HIF3A: variants seen among roughly 807,000 people sequenced by gnomAD.
The protein encoded by HIF3A is hypoxia inducible factor 3 subunit alpha, also known as hypoxia-inducible factor 3-alpha.
A neutral mutation model predicts 67.2 loss-of-function variants in HIF3A; 41 were observed. The observed-to-expected ratio is 0.61, with a 90% CI of 0.48 to 0.79. HIF3A has a LOEUF of 0.79. Ranked by LOEUF, HIF3A falls within the 30% of genes least tolerant of loss-of-function variation. The pLI is 0.00. For missense variants in HIF3A, 855 were observed against 898.0 expected (o/e 0.95, Z 0.61); for synonymous variants, 356 against 374.8 (o/e 0.95, Z 0.58).
chr19:46,308,637 TC>T (rs1969128358), intron 4 of HIF3A, 25 bp from the exon 5 acceptor site: 2 of 1,439,030 alleles, frequency 1.4e-6, no homozygotes, highest in African/African-American at 1.4e-5. Context: ...GCCTGTGACC[TC>T]CCCGCTGCCC....
chr19:46,302,288 G>A (rs1247568722), intron 1 of HIF3A, among the ~76,000 whole-genome samples: 3 of 151,910 alleles, frequency 2.0e-5, no homozygotes, highest in East Asian at 1.9e-4. Context: ...CCACCACCAC[G>A]CCCAGCTAAT....
chr19:46,302,266 A>G (rs1199778314), intron 1 of HIF3A, among the ~76,000 whole-genome samples: 1 of 151,864 alleles, frequency 6.6e-6, no homozygotes, highest in Non-Finnish European at 1.5e-5. Context: ...AGTAGCTAGG[A>G]CTACAAGGTG....
At position 46,313,204 on chromosome 19, in the gene HIF3A, T is replaced by C. The variant is rs576485552; in HGVS notation, c.1025+551T>C. On this transcript the variant is annotated intron_variant, in intron 8 of 14. Coordinates refer to ENST00000377670, the MANE Select transcript of HIF3A (RefSeq NM_152795.4). ...TGGTGGAGGCTGCAGTGAGCCGAGA[T>C]TGCGTCAGTGCACTCTGGCCTCGGC... is the stretch of plus-strand genomic sequence containing the variant. 2.7e-4 allele frequency: 195 copies of C among 722,752 alleles called. No homozygotes were observed. In the African/African-American group the frequency reaches 3.4e-3, roughly 13 times the overall value. The allele number at this position is 722,752 out of a possible 1,614,324, so 44.8% of individuals were successfully genotyped here.
chr19:46,312,458 C>A, intron 7 of HIF3A, 48 bp from the exon 8 acceptor site: 1 of 1,606,568 alleles, frequency 6.2e-7, no homozygotes, highest in East Asian at 2.2e-5. Context: ...ATTTCTCTCC[C>A]CATTTGCCCC....
At chr19:46,324,760 A>G (rs1005241107) in intron 10 of HIF3A, among the ~76,000 whole-genome samples, 9 of 151,582 alleles carry the variant, frequency 5.9e-5, no homozygotes, top group Non-Finnish European at 1.2e-4. Flanking sequence ...AGGCTGAGGC[A>G]GGAGAATCAC....
rs1165744358 is a variant in HIF3A at position 46,312,231 on chromosome 19, CT to C, written c.842del (p.Leu281ArgfsTer14). 1 of 1,613,858 alleles carries C rather than the reference CT, an allele frequency of 6.2e-7. No individual in the cohort carries two copies. Among genetic ancestry groups the C allele is most frequent in the Non-Finnish European group, 8.5e-7 (1 of 1,179,960 alleles). On this transcript the variant is annotated frameshift_variant, in exon 7 of 15. Transcript: ENST00000377670. LOFTEE classifies it high-confidence loss of function. ...GCSAYEYIHA[L>X]DSDAVSKSIH... ...TTCCGCCTACGAGTACATCCACGCG[CT>C]GGACTCCGATGCGGTCAGCAAGAGC...
At chr19:46,324,634 A>T (rs1970619979) in intron 10 of HIF3A, among the ~76,000 whole-genome samples, 1 of 151,676 alleles carries the variant, frequency 6.6e-6, no homozygotes, top group Non-Finnish European at 1.5e-5. Flanking sequence ...TGGGGAGATT[A>T]TCTGAGGTCA....
intron 2 of HIF3A, 84 bp downstream of exon 2, chr19:46,304,172 G>C: frequency 7.8e-7 from 1 of 1,282,470 alleles, no homozygotes; most frequent in Non-Finnish European, 1.1e-6. Context: ...CCCTCCTCCG[G>C]GAAGCCTTAT....
intron 10 of HIF3A, among the ~76,000 whole-genome samples, chr19:46,324,541 C>T (rs1343064365): frequency 6.6e-6 from 1 of 152,104 alleles, no homozygotes; most frequent in Admixed American, 6.6e-5. Flanking sequence ...ACCTTTAACC[C>T]CAGAGGATTT....
At chr19:46,322,612 T>G (rs1028037341) in intron 10 of HIF3A, among the ~76,000 whole-genome samples, 10 of 151,848 alleles carry the variant, frequency 6.6e-5, no homozygotes, top group Non-Finnish European at 7.4e-5. Context: ...GTTAATTTTT[T>G]GTATTTTTAG....
rs1402255190 is a variant in HIF3A at position 46,342,509 on chromosome 19, T to G, written c.*2887T>G. 1.3e-5 allele frequency: 2 copies of G among 152,182 alleles called. No homozygotes were observed. Among genetic ancestry groups the G allele is most frequent in the East Asian group, 3.8e-4 (2 of 5,200 alleles). The allele number at this position is 152,182 out of a possible 1,614,324, so 9.4% of individuals were successfully genotyped here. A position where few individuals can be genotyped will look rare whatever the true frequency, so the allele number is the denominator to read the frequency against. On this transcript the variant is annotated 3_prime_UTR_variant, in exon 15 of 15. Transcript: ENST00000377670. The stretch of plus-strand genomic sequence containing the variant: ...CTTGGCCTCACCAAAGTGCTGGGAC[T>G]ACAGGCATGAGCCACTGAGCCCAGC...
chr19:46,312,509 T>C lies in HIF3A; in HGVS notation c.881T>C (p.Leu294Pro). Reference sequence around the variant, plus strand: ...CCCTCCCGATCCCCCTCCTCAGTGCTGAGCAAGGGCCAGGCAGTAACAGGG... The same window carrying C: ...CCCTCCCGATCCCCCTCCTCAGTGCCGAGCAAGGGCCAGGCAGTAACAGGG... Reference protein sequence around the residue: ...DAVSKSIHTLLSKGQAVTGQY... With the variant: ...DAVSKSIHTLPSKGQAVTGQY... The change falls in exon 8 of 15, where the codon CTG becomes CCG. Residue 294 changes from leucine to proline, a missense_variant. Around this residue, in one of 3 missense-constraint regions of HIF3A, gnomAD observed 638 missense variants for 660.5 expected, o/e 0.97. Coordinates refer to ENST00000377670, the MANE Select transcript of HIF3A (RefSeq NM_152795.4). The C allele has an allele frequency of 6.2e-7, 1 of 1,613,898 alleles. No homozygotes were observed. Among genetic ancestry groups the C allele is most frequent in the Non-Finnish European group, 8.5e-7 (1 of 1,179,960 alleles).
intron 1 of HIF3A, among the ~76,000 whole-genome samples, chr19:46,300,871 C>T (rs1320512516): frequency 6.6e-6 from 1 of 152,164 alleles, no homozygotes; most frequent in Non-Finnish European, 1.5e-5. Flanking sequence ...TCCGCAGCCA[C>T]CAGCTGGCTC....
intron 8 of HIF3A, among the ~76,000 whole-genome samples, chr19:46,314,834 T>A (rs1447214960): frequency 6.9e-6 from 1 of 145,320 alleles, no homozygotes; most frequent in Non-Finnish European, 1.5e-5. Flanking sequence ...GCTGGGATTA[T>A]AGGCATGAGC....
rs1000647829 is a variant in HIF3A, at chr19:46,339,795, A to G, written c.*173A>G. ...GCCCTCACCCCTCTGCCTGCTCCCA[A>G]TCTGGGGGCTCTCTGGGGTGGTCTC... On this transcript the variant is annotated 3_prime_UTR_variant, in exon 15 of 15. Transcript: ENST00000377670. 4.6e-6 allele frequency: 2 copies of G among 436,638 alleles called. No individual in the cohort carries two copies. The highest frequency in any genetic ancestry group is 8.1e-6 in the Non-Finnish European group (2 of 246,886). 27.0% of individuals were successfully genotyped at this position (436,638 alleles called of 1,614,324 possible). A position where few individuals can be genotyped will look rare whatever the true frequency, so the allele number is the denominator to read the frequency against.
intron 10 of HIF3A, among the ~76,000 whole-genome samples, 179 bp from the exon 11 acceptor site, chr19:46,325,356 G>A (rs1244365932): frequency 6.6e-6 from 1 of 151,908 alleles, no homozygotes; most frequent in East Asian, 1.9e-4. Flanking sequence ...TGTACACCCA[G>A]GCATTCTGAG....
At chr19:46,313,270 C>T (rs915498066) in intron 8 of HIF3A, 3 of 970,914 alleles carry the variant, frequency 3.1e-6, no homozygotes, top group African/African-American at 1.8e-5. Context: ...AACAAACAAA[C>T]AAACAAAAGG....
rs1408157282 is a variant in HIF3A at position 46,305,280 on chromosome 19, C to T, written c.253C>T (p.Leu85=). The T allele has an allele frequency of 1.9e-6, 3 of 1,613,964 alleles. No individual in the cohort carries two copies. The highest frequency in any genetic ancestry group is 2.5e-6 in the Non-Finnish European group (3 of 1,180,024). Residue 85 remains leucine, a synonymous_variant, in exon 3 of 15, where the codon CTG becomes TTG. Coordinates refer to ENST00000377670, the MANE Select transcript of HIF3A (RefSeq NM_152795.4). ...WNQVGAGGEP[L]DACYLKALEG... is the part of the protein sequence containing the mutation. ...CCAGGTGGGAGCAGGGGGAGAACCA[C>T]TGGATGCCTGCTACCTGAAGGCCCT...
At position 46,329,629 on chromosome 19, in the gene HIF3A, T is replaced by C. The variant is rs1393444936; in HGVS notation, c.1712+151T>C. ...GTGGGCCCAGCACATGCCAAGTTTG[T>C]GCCAATCTCTGTGCCTTTGCCTAGG... On this transcript the variant is annotated intron_variant, in intron 12 of 14. Transcript: ENST00000377670. The C allele has an allele frequency of 3.2e-6, 3 of 934,722 alleles. No homozygotes were observed. The African/African-American group carries it at 5.1e-5, about 16-fold the overall frequency. 57.9% of individuals were successfully genotyped at this position (934,722 alleles called of 1,614,324 possible). A position where few individuals can be genotyped will look rare whatever the true frequency, so the allele number is the denominator to read the frequency against.
Sources: gnomAD v4.1 joint callset for allele counts (sites outside exome capture counted in the v4.1 genomes callset) on GRCh38, gnomAD v4.1.1 for gene constraint, gnomAD v4.1.1 regional missense constraint, MANE v1.5 for transcripts, NCBI Gene and HGNC (gene_info 2026-07-23, HGNC 2026-07-21) for gene names.